POLN: variants seen among roughly 807,000 people sequenced by gnomAD.
POLN encodes DNA polymerase N.
In POLN, 108 loss-of-function variants were observed where a neutral mutation model predicts 113.5. The ratio of observed to expected loss-of-function variants is 0.95; its 90% CI spans 0.81 to 1.12. The LOEUF is 1.12. Ranked by LOEUF, POLN falls within the 50% of genes most tolerant of loss-of-function variation. The pLI is 0.00. For synonymous variants in POLN, 386 were observed against 391.5 expected, an observed-to-expected ratio of 0.99 and a Z score of 0.17; for missense variants, 1,097 against 1,077.1, an observed-to-expected ratio of 1.02 and a Z score of -0.26.
Position 2,229,132 on chromosome 4 carries a change from C to T in POLN, c.100G>A (p.Val34Met), listed in dbSNP as rs746333099. The change falls in exon 3 of 26, where the codon GTG becomes ATG. Residue 34 changes from valine (V) to methionine (M), a missense_variant. Coordinates refer to ENST00000511885, the MANE Select transcript of POLN (RefSeq NM_181808.4). ...IMSAMHSGDL[V>M]DSKTWGKSTE... Reference sequence around the variant, plus strand: ...CTCTTTCCCCAAGTCTTAGAATCCACTAAATCACCTGAATGCATAGCAGAC... The same window carrying T: ...CTCTTTCCCCAAGTCTTAGAATCCATTAAATCACCTGAATGCATAGCAGAC... 2.0e-5 allele frequency: 33 copies of T among 1,610,754 alleles called. No homozygotes were observed. The highest frequency in any genetic ancestry group is 2.6e-5 in the Non-Finnish European group (31 of 1,177,276).
In POLN at chr4:2,176,276, G is replaced by T; in HGVS notation, c.1238C>A (p.Ser413Tyr). Reference protein sequence around the residue: ...TLYRLTMDLCSKLKDYGLWQL... With the variant: ...TLYRLTMDLCYKLKDYGLWQL... Reference sequence around the variant, plus strand: ...AATAAAATGCCTTGCCTTCAGTTTAGAGCAAAGGTCCATTGTAAGTCTGTA... The same window carrying T: ...AATAAAATGCCTTGCCTTCAGTTTATAGCAAAGGTCCATTGTAAGTCTGTA... Residue 413 changes from serine to tyrosine, a missense_variant, in exon 9 of 26, where the codon TCT becomes TAT. Transcript: ENST00000511885. 1 of 1,606,642 alleles carries T rather than the reference G, an allele frequency of 6.2e-7. No homozygotes were observed. The highest frequency in any genetic ancestry group is 8.5e-7 in the Non-Finnish European group (1 of 1,176,256).
At chr4:2,158,859 G>A (rs960244087) in intron 14 of POLN, among the ~76,000 whole-genome samples, 2 of 152,188 alleles carry the variant, frequency 1.3e-5, no homozygotes, top group Non-Finnish European at 2.9e-5. Context: ...GTACTGCTGG[G>A]CGTCTCCTGC....
intron 13 of POLN, among the ~76,000 whole-genome samples, chr4:2,162,605 T>C (rs1732627482): frequency 6.6e-6 from 1 of 152,082 alleles, no homozygotes; most frequent in Non-Finnish European, 1.5e-5. Flanking sequence ...TACAGGTGCA[T>C]GCCACCATGC....
At chr4:2,081,947 CTTTTTT>C (rs71167773) in intron 21 of POLN, among the ~76,000 whole-genome samples, 10 of 92,550 alleles carry the variant, frequency 1.1e-4, no homozygotes, top group African/African-American at 3.7e-4. Flanking sequence ...GCACTCTGCA[CTTTTTT>C]TTTTTTTTTT....
intron 5 of POLN, among the ~76,000 whole-genome samples, chr4:2,207,720 GACA>G (rs920817667): frequency 2.6e-5 from 4 of 152,144 alleles, no homozygotes; most frequent in Admixed American, 1.3e-4. Context: ...TAAAAAAACA[GACA>G]ACAACATGTG....
At chr4:2,182,341 T>C (rs1289023279) in intron 7 of POLN, among the ~76,000 whole-genome samples, 1 of 152,114 alleles carries the variant, frequency 6.6e-6, no homozygotes, top group Non-Finnish European at 1.5e-5. Context: ...ATGGGTGTCC[T>C]TATGAGAGAC....
At chr4:2,199,615 C>T (rs917291020) in intron 5 of POLN, among the ~76,000 whole-genome samples, 9 of 152,134 alleles carry the variant, frequency 5.9e-5, no homozygotes, top group East Asian at 5.8e-4. Context: ...CTTGCTCTGT[C>T]GCCCAGGCTG....
chr4:2,128,279 T>C (rs563338055), intron 18 of POLN, 52 bp from the exon 19 acceptor site: 1 of 1,239,366 alleles, frequency 8.1e-7, no homozygotes, highest in Non-Finnish European at 1.2e-6. Flanking sequence ...ATGTTCCTCG[T>C]GTTTGCTGCG....
chr4:2,188,932 T>G (rs1255971744), intron 7 of POLN, among the ~76,000 whole-genome samples: 1 of 152,228 alleles, frequency 6.6e-6, no homozygotes, highest in Non-Finnish European at 1.5e-5. Context: ...TTTGTTTGTT[T>G]CTATTCTTTT....
intron 16 of POLN, among the ~76,000 whole-genome samples, chr4:2,138,813 G>A (rs1038057481): frequency 2.0e-5 from 3 of 151,900 alleles, no homozygotes; most frequent in Admixed American, 1.3e-4. Context: ...GAGCTACTCT[G>A]AACCCGGGAG....
In POLN at chr4:2,086,075, A is replaced by G. The variant is rs546679326; in HGVS notation, c.2066-331T>C. 8.5e-5 allele frequency among the ~76,000 whole-genome samples: 13 copies of G among 152,330 alleles called. No individual in the cohort carries two copies. The South Asian group carries it at 2.7e-3, about 32-fold the overall frequency. The stretch of plus-strand genomic sequence containing the variant: ...GTTAGAGTGGGGCACAGAGGAAAAG[A>G]GGAAGGGGAAGTTCCATGGTCAAAG... On this transcript the variant is annotated intron_variant, in intron 20 of 25. Coordinates refer to ENST00000511885, the MANE Select transcript of POLN (RefSeq NM_181808.4).
intron 23 of POLN, chr4:2,076,331 A>G (rs1730274839): frequency 6.6e-6 from 1 of 152,458 alleles, no homozygotes; most frequent in Non-Finnish European, 1.5e-5. Flanking sequence ...GCGGCTCCAC[A>G]TGCTCCTTGG....
intron 19 of POLN, among the ~76,000 whole-genome samples, chr4:2,104,949 G>C (rs137979660): frequency 7.6e-4 from 116 of 152,264 alleles, no homozygotes; most frequent in African/African-American, 2.6e-3. Flanking sequence ...TGCACAGGTG[G>C]GGGCACACAC....
intron 19 of POLN, among the ~76,000 whole-genome samples, chr4:2,119,496 C>A (rs1009604887): frequency 6.6e-5 from 10 of 152,144 alleles, no homozygotes; most frequent in African/African-American, 2.4e-4. Context: ...ATTCCCTGGG[C>A]AAATCCCAGC....
In POLN at chr4:2,154,242, A is replaced by C. The variant is rs527832675; in HGVS notation, c.1731+2546T>G. On this transcript the variant is annotated intron_variant, in intron 16 of 25. Transcript: ENST00000511885. ...AAAAAAAAGACATTTTAAGTATGGCAAACCAGAATATATATCTTAAAAGTT... is the reference window on the plus strand; with the variant it reads ...AAAAAAAAGACATTTTAAGTATGGCCAACCAGAATATATATCTTAAAAGTT... 7.9e-5 allele frequency among the ~76,000 whole-genome samples: 12 copies of C among 151,502 alleles called. 1 individual carries two copies. The South Asian group carries it at 2.5e-3, about 31-fold the overall frequency.
In POLN at chr4:2,112,602, A is replaced by C. The variant is rs1200855611; in HGVS notation, c.1982+15511T>G. On this transcript the variant is annotated intron_variant, in intron 19 of 25. Coordinates refer to ENST00000511885, the MANE Select transcript of POLN (RefSeq NM_181808.4). Reference sequence around the variant, plus strand: ...ATATGAACAGACACTTCTCAAAAGAAGACATTTATGCAGCAAAAAAACACA... The same window carrying C: ...ATATGAACAGACACTTCTCAAAAGACGACATTTATGCAGCAAAAAAACACA... Among the ~76,000 whole-genome samples the C allele has an allele frequency of 2.6e-5, 4 of 152,278 alleles. No homozygotes were observed. The South Asian group carries it at 8.3e-4, about 31-fold the overall frequency.
At chr4:2,158,525 T>C (rs980407201) in intron 14 of POLN, among the ~76,000 whole-genome samples, 3 of 152,264 alleles carry the variant, frequency 2.0e-5, no homozygotes, top group East Asian at 1.9e-4. Flanking sequence ...CTTTACATCG[T>C]TGCAGGGAGA....
intron 16 of POLN, among the ~76,000 whole-genome samples, chr4:2,151,980 G>GA (rs1477646317): frequency 6.6e-6 from 1 of 151,844 alleles, no homozygotes; most frequent in Non-Finnish European, 1.5e-5. Flanking sequence ...TTAGCTTTCT[G>GA]AAAATACTGA....
chr4:2,145,373 C>A (rs1732110646), intron 16 of POLN, among the ~76,000 whole-genome samples: 1 of 151,894 alleles, frequency 6.6e-6, no homozygotes, highest in African/African-American at 2.4e-5. Flanking sequence ...AAAAACAAAC[C>A]AACCACAGAC....
Sources: allele counts gnomAD v4.1 joint callset (sites outside exome capture counted in the v4.1 genomes callset), GRCh38; gene constraint gnomAD v4.1.1; transcripts MANE v1.5; gene names NCBI Gene and HGNC (gene_info 2026-07-23, HGNC 2026-07-21).